Variants in ZNF385B observed in about 807,000 individuals in gnomAD.
ZNF385B encodes the protein zinc finger protein 385B.
ZNF385B carries 23 observed loss-of-function variants against 39.2 expected under a neutral mutation model. That is an observed-to-expected ratio of 0.59 (90% CI 0.42 to 0.83). The LOEUF (loss-of-function observed/expected upper bound fraction) is 0.83, where lower values mean the gene tolerates loss of function less well. ZNF385B is among the 40% of genes least tolerant of loss of function. The pLI, the probability that ZNF385B is intolerant of heterozygous loss-of-function variation, is 0.00. For missense variants in ZNF385B, 552 were observed against 598.9 expected (o/e 0.92, Z 0.82); for synonymous variants, 205 against 222.6 (o/e 0.92, Z 0.70).
intron 3 of ZNF385B, among the ~76,000 whole-genome samples, chr2:179,639,090 T>C (rs1286657589): frequency 6.6e-6 from 1 of 151,320 alleles, no homozygotes; most frequent in Non-Finnish European, 1.5e-5. Context: ...AGAGTGGTGG[T>C]ATGTGCTTGT....
chr2:179,484,658 T>G (rs538539106), intron 5 of ZNF385B, among the ~76,000 whole-genome samples: 1 of 151,832 alleles, frequency 6.6e-6, no homozygotes. Flanking sequence ...TAGGGTCCAA[T>G]GAGGTTTCAC....
intron 3 of ZNF385B, chr2:179,659,941 G>A (rs1372949653): frequency 6.6e-6 from 1 of 152,458 alleles, no homozygotes; most frequent in Non-Finnish European, 1.5e-5. Flanking sequence ...AATCTAGTAG[G>A]ACAAATAATA....
intron 5 of ZNF385B, among the ~76,000 whole-genome samples, chr2:179,494,874 A>C (rs1355016808): frequency 6.6e-6 from 1 of 152,218 alleles, no homozygotes; most frequent in Non-Finnish European, 1.5e-5. Context: ...AAGATATTTC[A>C]TATGAGTAAT....
chr2:179,482,982 C>T (rs1212058012), intron 6 of ZNF385B, among the ~76,000 whole-genome samples: 2 of 151,494 alleles, frequency 1.3e-5, no homozygotes, highest in African/African-American at 2.4e-5. Context: ...AGTCTGAACA[C>T]ATTGTGATCA....
chr2:179,653,671 A>G (rs1260578308), intron 3 of ZNF385B, among the ~76,000 whole-genome samples: 3 of 152,168 alleles, frequency 2.0e-5, no homozygotes, highest in Non-Finnish European at 4.4e-5. Context: ...CATAGAACCA[A>G]TATAGCAGGA....
intron 3 of ZNF385B, chr2:179,583,953 C>T: frequency 7.7e-7 from 1 of 1,303,988 alleles, no homozygotes; most frequent in Middle Eastern, 2.1e-4. Flanking sequence ...CATACCCACT[C>T]AGTTCATACA....
At chr2:179,686,267 C>T (rs1462635924) in intron 3 of ZNF385B, among the ~76,000 whole-genome samples, 2 of 152,196 alleles carry the variant, frequency 1.3e-5, no homozygotes, top group East Asian at 1.9e-4. Context: ...ATATTATAAG[C>T]AGCCCCAGTG....
At chr2:179,495,734 G>C (rs542549352) in intron 5 of ZNF385B, among the ~76,000 whole-genome samples, 3 of 152,290 alleles carry the variant, frequency 2.0e-5, no homozygotes, top group African/African-American at 7.2e-5. Flanking sequence ...AATCTTCCCA[G>C]ATCCTGTCCA....
At chr2:179,491,435 ACT>A (rs1327630890) in intron 5 of ZNF385B, among the ~76,000 whole-genome samples, 1 of 152,154 alleles carries the variant, frequency 6.6e-6, no homozygotes, top group Non-Finnish European at 1.5e-5. Flanking sequence ...GCCTTTAGCC[ACT>A]CTCTCAAATC....
chr2:179,598,648 C>T (rs1688184847), intron 3 of ZNF385B, among the ~76,000 whole-genome samples: 1 of 151,990 alleles, frequency 6.6e-6, no homozygotes, highest in Admixed American at 6.6e-5. Flanking sequence ...GCACGATACA[C>T]CAAAAGCATG....
chr2:179,649,096 G>T (rs577700550), intron 3 of ZNF385B, among the ~76,000 whole-genome samples: 1 of 152,194 alleles, frequency 6.6e-6, no homozygotes, highest in Admixed American at 6.5e-5. Context: ...TCATTTTCAT[G>T]ATATTCCTAC....
At chr2:179,545,663 ATTTGT>A (rs1170401592) in intron 3 of ZNF385B, among the ~76,000 whole-genome samples, 1 of 152,086 alleles carries the variant, frequency 6.6e-6, no homozygotes, top group Admixed American at 6.6e-5. Context: ...TTTATTTCTA[ATTTGT>A]TTTGTATTAT....
intron 3 of ZNF385B, among the ~76,000 whole-genome samples, chr2:179,693,576 T>C (rs1396458688): frequency 6.6e-6 from 1 of 152,226 alleles, no homozygotes; most frequent in Admixed American, 6.5e-5. Flanking sequence ...TAGAGTTCGA[T>C]AACTAATTAA....
rs764932543 is a variant in ZNF385B at position 179,544,920 on chromosome 2, G to T, written c.348C>A (p.Thr116=). Residue 116 remains threonine, a synonymous_variant, in exon 4 of 10, where the codon ACC becomes ACA. Coordinates refer to ENST00000410066, the MANE Select transcript of ZNF385B (RefSeq NM_152520.6). ...TATCCAGTGAAGGCTGCATCATCAGGGTAGGTGTGCGCACAAGAGCAGGAA... is the reference window on the plus strand; with the variant it reads ...TATCCAGTGAAGGCTGCATCATCAGTGTAGGTGTGCGCACAAGAGCAGGAA... ...TTLPALVRTP[T]LMMQPSLDIK... is the part of the protein sequence containing the mutation. 1.9e-6 allele frequency: 3 copies of T among 1,614,080 alleles called. No homozygotes were observed. The highest frequency in any genetic ancestry group is 1.1e-5 in the South Asian group (1 of 91,080).
At chr2:179,504,226 A>G (rs2057037411) in intron 5 of ZNF385B, among the ~76,000 whole-genome samples, 1 of 152,072 alleles carries the variant, frequency 6.6e-6, no homozygotes, top group African/African-American at 2.4e-5. Context: ...TTATGGCTGC[A>G]TAGTAAACCA....
chr2:179,513,316 A>G (rs1430641242), intron 5 of ZNF385B, among the ~76,000 whole-genome samples: 1 of 152,230 alleles, frequency 6.6e-6, no homozygotes. Flanking sequence ...AGTACATGTC[A>G]CATTTGTGAA....
chr2:179,786,329 T>C (rs1174230310), intron 1 of ZNF385B, among the ~76,000 whole-genome samples: 1 of 152,106 alleles, frequency 6.6e-6, no homozygotes, highest in Non-Finnish European at 1.5e-5. Flanking sequence ...ATTTTTAGAG[T>C]ATATTTGTCT....
At chr2:179,686,056 T>G (rs1310106375) in intron 3 of ZNF385B, among the ~76,000 whole-genome samples, 1 of 152,224 alleles carries the variant, frequency 6.6e-6, no homozygotes, top group Non-Finnish European at 1.5e-5. Flanking sequence ...ATACATGCTT[T>G]CTTTCATTTG....
chr2:179,561,067 G>A (rs2061303898), intron 3 of ZNF385B, among the ~76,000 whole-genome samples: 2 of 152,156 alleles, frequency 1.3e-5, no homozygotes, highest in Admixed American at 1.3e-4. Flanking sequence ...TGTGTCCTGG[G>A]TTATACAAAT....
Sources: allele counts gnomAD v4.1 joint callset (sites outside exome capture counted in the v4.1 genomes callset), GRCh38; gene constraint gnomAD v4.1.1; transcripts MANE v1.5; gene names NCBI Gene and HGNC (gene_info 2026-07-23, HGNC 2026-07-21).